EXOC6: variants seen among roughly 807,000 people sequenced by gnomAD.
EXOC6 encodes exocyst complex component 6.
In EXOC6, 60 loss-of-function variants were observed where a neutral mutation model predicts 112.5. That is an observed-to-expected ratio of 0.53 (90% confidence interval 0.43 to 0.66). The LOEUF is 0.66. Ranked by LOEUF, EXOC6 falls within the 30% of genes least tolerant of loss-of-function variation. The pLI, the probability that EXOC6 is intolerant of heterozygous loss-of-function variation, is 0.00. For synonymous variants in EXOC6, 295 were observed against 308.0 expected (o/e 0.96, Z 0.44); for missense variants, 855 against 957.1 (o/e 0.89, Z 1.41).
chr10:92,853,528 A>G (rs1847450902), intron 1 of EXOC6, among the ~76,000 whole-genome samples: 1 of 152,238 alleles, frequency 6.6e-6, no homozygotes, highest in African/African-American at 2.4e-5. Context: ...AGACTGTGGT[A>G]CTAGCATCAA....
chr10:92,933,009 T>C (rs928157887), intron 9 of EXOC6, among the ~76,000 whole-genome samples: 12 of 152,194 alleles, frequency 7.9e-5, no homozygotes, highest in Non-Finnish European at 1.6e-4. Context: ...GGATGTGTAA[T>C]GTGATTTCCA....
intron 13 of EXOC6, among the ~76,000 whole-genome samples, chr10:92,945,267 A>C (rs1190645383): frequency 2.0e-5 from 3 of 151,976 alleles, no homozygotes; most frequent in African/African-American, 4.8e-5. Flanking sequence ...TTGGATACTA[A>C]CTCCTTATTA....
chr10:92,936,562 T>C (rs1852349589), intron 12 of EXOC6, among the ~76,000 whole-genome samples: 1 of 152,194 alleles, frequency 6.6e-6, no homozygotes, highest in South Asian at 2.1e-4. Context: ...GCCACTGCGC[T>C]CCCCTGGGCA....
chr10:92,955,804 A>G lies in EXOC6; in HGVS notation c.1773+90A>G, dbSNP rs1039237170. 7.7e-6 allele frequency: 9 copies of G among 1,167,798 alleles called. No individual in the cohort carries two copies. The African/African-American group carries it at 1.4e-4, about 18-fold the overall frequency. The allele number at this position is 1,167,798 out of a possible 1,614,324, so 72.3% of individuals were successfully genotyped here. A position where few individuals can be genotyped will look rare whatever the true frequency, so the allele number is the denominator to read the frequency against. On this transcript the variant is annotated intron_variant, in intron 17 of 21. Coordinates refer to ENST00000260762, the MANE Select transcript of EXOC6 (RefSeq NM_019053.6). ...GACCGTTCTTATATATGCAAGATCT[A>G]CTATATTCCTAAAAATTAAGAATAG... is the stretch of plus-strand genomic sequence containing the variant.
chr10:93,028,480 T>G (rs923774450), intron 20 of EXOC6, among the ~76,000 whole-genome samples: 1 of 152,128 alleles, frequency 6.6e-6, no homozygotes, highest in African/African-American at 2.4e-5. Context: ...TTCTAACGGA[T>G]AAGCAGGGAA....
intron 5 of EXOC6, 82 bp from the exon 6 acceptor site, chr10:92,909,345 G>A (rs1850612672): frequency 9.9e-7 from 1 of 1,011,790 alleles, no homozygotes; most frequent in Non-Finnish European, 1.5e-6. Flanking sequence ...AATAATCAGT[G>A]TAAAACTGAT....
intron 1 of EXOC6, among the ~76,000 whole-genome samples, chr10:92,863,960 A>G (rs144137160): frequency 6.6e-6 from 1 of 151,740 alleles, no homozygotes; most frequent in East Asian, 1.9e-4. Context: ...AAGAAAAAAA[A>G]CCCAAAAAAT....
intron 9 of EXOC6, among the ~76,000 whole-genome samples, chr10:92,931,134 AAAAAAG>A (rs1852008585): frequency 6.7e-6 from 1 of 149,434 alleles, no homozygotes; most frequent in Admixed American, 6.7e-5. Flanking sequence ...AAAAAAAAAA[AAAAAAG>A]GAAAGGAAAA....
At chr10:93,056,722 C>T (rs1674015749) in intron 20 of EXOC6, among the ~76,000 whole-genome samples, 1 of 151,848 alleles carries the variant, frequency 6.6e-6, no homozygotes, top group South Asian at 2.1e-4. Flanking sequence ...GAAAACAACC[C>T]CTGGCATTTT....
At chr10:92,900,418 C>T (rs1451579079) in intron 5 of EXOC6, 1 of 152,136 alleles carries the variant, frequency 6.6e-6, no homozygotes, top group Admixed American at 6.6e-5. Context: ...ACATCTTATA[C>T]AGACCTATAG....
chr10:92,867,622 G>A (rs780479389), intron 1 of EXOC6, among the ~76,000 whole-genome samples: 1 of 151,968 alleles, frequency 6.6e-6, no homozygotes, highest in Non-Finnish European at 1.5e-5. Flanking sequence ...TTTTCAAAAA[G>A]GTAAAATCAT....
chr10:93,013,229 C>T (rs891947800), intron 19 of EXOC6, among the ~76,000 whole-genome samples: 7 of 151,672 alleles, frequency 4.6e-5, no homozygotes, highest in African/African-American at 1.5e-4. Context: ...AATTTTAAAC[C>T]ACAAAAAATT....
At position 92,865,350 on chromosome 10, in the gene EXOC6, A is replaced by G. The variant is rs182600700; in HGVS notation, c.101+16716A>G. On this transcript the variant is annotated intron_variant, in intron 1 of 21. Coordinates refer to ENST00000260762, the MANE Select transcript of EXOC6 (RefSeq NM_019053.6). Reference sequence around the variant, plus strand: ...GGAGCTTGAGACCAGCCTGGCCACCATGGTGAAACCCCGTCTCTACTAAAA... The same window carrying G: ...GGAGCTTGAGACCAGCCTGGCCACCGTGGTGAAACCCCGTCTCTACTAAAA... Among the ~76,000 whole-genome samples, 762 of 152,162 alleles carry G rather than the reference A, an allele frequency of 5.0e-3. 8 individuals are homozygous for G. Among genetic ancestry groups the G allele is most frequent in the South Asian group, 0.014 (69 of 4,786 alleles).
upstream of EXOC6, chr10:92,831,395 T>C (rs931785036): frequency 4.2e-6 from 5 of 1,204,188 alleles, no homozygotes; most frequent in Middle Eastern, 2.6e-4. Flanking sequence ...ATTAAACTAC[T>C]TTAGAGTATA....
chr10:93,007,268 G>A (rs922492143), intron 19 of EXOC6, among the ~76,000 whole-genome samples: 2 of 141,300 alleles, frequency 1.4e-5, no homozygotes, highest in African/African-American at 2.8e-5. Context: ...GAGGGGAAGG[G>A]CCTGTTTTCC....
intron 1 of EXOC6, among the ~76,000 whole-genome samples, chr10:92,841,002 T>C (rs1048345580): frequency 2.0e-5 from 3 of 152,142 alleles, no homozygotes; most frequent in Admixed American, 2.0e-4. Flanking sequence ...GTTTACAGTG[T>C]AGAATGATTA....
chr10:92,861,237 C>T (rs1191600865), intron 1 of EXOC6, among the ~76,000 whole-genome samples: 4 of 152,178 alleles, frequency 2.6e-5, no homozygotes, highest in Non-Finnish European at 5.9e-5. Flanking sequence ...TGATTATAAT[C>T]CTTGAGCCAC....
intron 1 of EXOC6, among the ~76,000 whole-genome samples, chr10:92,875,002 A>G (rs868728916): frequency 1.4e-4 from 22 of 152,294 alleles, no homozygotes; most frequent in Middle Eastern, 6.8e-3. Flanking sequence ...AACCTTGTCA[A>G]TGGGTAGCAG....
chr10:92,966,275 A>AATTATAATTATT (rs1406861508), intron 17 of EXOC6, among the ~76,000 whole-genome samples: 6 of 114,318 alleles, frequency 5.2e-5, no homozygotes. Context: ...GAAAGCATGT[A>AATTATAATTATT]ATTATAATTA....
Sources: gnomAD v4.1 joint callset for allele counts (sites outside exome capture counted in the v4.1 genomes callset) on GRCh38, gnomAD v4.1.1 for gene constraint, MANE v1.5 for transcripts, NCBI Gene and HGNC (gene_info 2026-07-23, HGNC 2026-07-21) for gene names.